BCAS3: variants seen among roughly 807,000 people sequenced by gnomAD.
BCAS3 encodes the protein BCAS4/BCAS3 fusion.
Under a neutral mutation model 116.1 loss-of-function variants are expected in BCAS3, and 53 were observed. The observed-to-expected ratio is 0.46, with a 90% CI of 0.37 to 0.57. BCAS3 has a LOEUF of 0.57. Ranked by LOEUF, BCAS3 falls within the 20% of genes least tolerant of loss-of-function variation. BCAS3 has a pLI of 0.00. For synonymous variants in BCAS3, 391 were observed against 408.2 expected (o/e 0.96, Z 0.51); for missense variants, 917 against 1,165.4 (o/e 0.79, Z 3.10).
intron 4 of BCAS3, among the ~76,000 whole-genome samples, chr17:60,705,264 A>G (rs2036965158): frequency 6.6e-6 from 1 of 152,196 alleles, no homozygotes; most frequent in South Asian, 2.1e-4. Flanking sequence ...CATCCCTGTA[A>G]TCCCAGCACT....
intron 8 of BCAS3, 23 bp downstream of exon 8, chr17:60,868,706 C>G: frequency 6.9e-7 from 1 of 1,450,340 alleles, no homozygotes; most frequent in African/African-American, 1.5e-5. Flanking sequence ...TCATGGGTTT[C>G]TTGTGTAAAA....
intron 14 of BCAS3, among the ~76,000 whole-genome samples, chr17:60,971,282 T>C (rs1019206291): frequency 1.3e-5 from 2 of 152,178 alleles, no homozygotes; most frequent in Non-Finnish European, 2.9e-5. Flanking sequence ...AAAATGAAAC[T>C]TCTAGAGGGT....
chr17:60,814,301 G>GACA, intron 7 of BCAS3, among the ~76,000 whole-genome samples: 1 of 134,046 alleles, frequency 7.5e-6, no homozygotes, highest in Non-Finnish European at 1.5e-5. Context: ...GTGTGTGTGT[G>GACA]TGTGTGCGCG....
intron 4 of BCAS3, among the ~76,000 whole-genome samples, chr17:60,690,917 C>T (rs1023844194): frequency 3.4e-5 from 5 of 148,632 alleles, no homozygotes; most frequent in African/African-American, 1.3e-4. Flanking sequence ...GAGACTTTGT[C>T]TCAAAAAAAC....
intron 9 of BCAS3, among the ~76,000 whole-genome samples, chr17:60,875,162 G>A (rs973958873): frequency 4.6e-5 from 7 of 151,950 alleles, no homozygotes; most frequent in African/African-American, 1.7e-4. Flanking sequence ...TATATTTTTC[G>A]AATAAGGACT....
At chr17:60,682,259 A>G (rs955111173) in intron 2 of BCAS3, among the ~76,000 whole-genome samples, 1 of 152,192 alleles carries the variant, frequency 6.6e-6, no homozygotes, top group African/African-American at 2.4e-5. Context: ...CCAGATAGAA[A>G]GAAAGGTGGT....
intron 15 of BCAS3, among the ~76,000 whole-genome samples, chr17:61,000,153 T>A (rs1274434965): frequency 3.3e-5 from 5 of 150,200 alleles, no homozygotes. Context: ...CAGCTATGAC[T>A]TATAGTAGTA....
rs879164276 is a variant in BCAS3, at chr17:61,199,016, T to C, written c.2425+114452T>C. Among the ~76,000 whole-genome samples the C allele has an allele frequency of 6.6e-6, 1 of 152,230 alleles. No homozygotes were observed. Among genetic ancestry groups the C allele is most frequent in the East Asian group, 1.9e-4 (1 of 5,202 alleles). On this transcript the variant is annotated intron_variant, in intron 22 of 23. Transcript: ENST00000407086. The surrounding 1 kb of genome is among the most constrained non-coding windows in gnomAD (Gnocchi z 4.6). ...TACCATACTCTGATTACTAGAAATA[T>C]ATAAATGAAACCAACATTTCTCTAT...
At position 60,802,159 on chromosome 17, in the gene BCAS3, C is replaced by T. The variant is rs7218805; in HGVS notation, c.404-5845C>T. Among the ~76,000 whole-genome samples the T allele has an allele frequency of 6.8e-3, 1,027 of 151,790 alleles. 16 individuals carry two copies. The highest frequency in any genetic ancestry group is 0.023 in the African/African-American group (965 of 41,352). ...ATTAGCCGGGCATGGTGGCACGTGCCTGTAGTCCCAGCTACTTGGGAGGCT... is the reference window on the plus strand; with the variant it reads ...ATTAGCCGGGCATGGTGGCACGTGCTTGTAGTCCCAGCTACTTGGGAGGCT... On this transcript the variant is annotated intron_variant, in intron 6 of 23. Transcript: ENST00000407086.
chr17:60,747,345 C>T, intron 6 of BCAS3, 66 bp downstream of exon 6: 1 of 1,310,266 alleles, frequency 7.6e-7, no homozygotes, highest in East Asian at 2.3e-5. Context: ...TCTTGGACTA[C>T]AGGCAGCAAG....
intron 5 of BCAS3, among the ~76,000 whole-genome samples, chr17:60,732,639 G>A (rs151226605): frequency 0.032 from 4,828 of 152,212 alleles, 241 homozygotes; most frequent in African/African-American, 0.11. Flanking sequence ...AAGAGATCAA[G>A]ACCATCCTGG....
rs941972811 is a variant in BCAS3, at chr17:61,344,185, T to C, written c.2426-24142T>C. ...CTGATACCCATAAGGAGGCGGAATATGCAAACCCTCTTTGCTTAGGAGAAC... is the reference window on the plus strand; with the variant it reads ...CTGATACCCATAAGGAGGCGGAATACGCAAACCCTCTTTGCTTAGGAGAAC... On this transcript the variant is annotated intron_variant, in intron 22 of 23. Coordinates refer to ENST00000407086, the MANE Select transcript of BCAS3 (RefSeq NM_017679.5). The surrounding 1 kb of genome is among the most constrained non-coding windows in gnomAD (Gnocchi z 4.1). Among the ~76,000 whole-genome samples, 2 of 151,968 alleles carry C rather than the reference T, an allele frequency of 1.3e-5. No individual in the cohort carries two copies. The highest frequency in any genetic ancestry group is 4.8e-5 in the African/African-American group (2 of 41,378).
intron 22 of BCAS3, among the ~76,000 whole-genome samples, chr17:61,163,660 C>T (rs1028161019): frequency 6.6e-6 from 1 of 151,858 alleles, no homozygotes. Context: ...AGTAATATTC[C>T]ATCTACCCAA....
chr17:60,732,346 C>G (rs530987536), intron 5 of BCAS3, among the ~76,000 whole-genome samples: 1 of 151,994 alleles, frequency 6.6e-6, no homozygotes, highest in East Asian at 1.9e-4. Flanking sequence ...ATTTTTAGAT[C>G]GCTGGTAGCA....
Position 60,811,007 on chromosome 17 carries a change from T to C in BCAS3, c.476+2931T>C, listed in dbSNP as rs950227311. ...CAGCAGATTGAAGAGAGCACCACAG[T>C]GGTCACCATGCAGTCTGCCGAGGTT... On this transcript the variant is annotated intron_variant, in intron 7 of 23. Transcript: ENST00000407086. 4 of 664,252 alleles carry C rather than the reference T, an allele frequency of 6.0e-6. No homozygotes were observed. The African/African-American group carries it at 7.1e-5, about 12-fold the overall frequency. 41.1% of individuals were successfully genotyped at this position (664,252 alleles called of 1,614,324 possible).
At chr17:60,927,083 G>T (rs969483959) in intron 13 of BCAS3, among the ~76,000 whole-genome samples, 1 of 152,112 alleles carries the variant, frequency 6.6e-6, no homozygotes, top group Non-Finnish European at 1.5e-5. Context: ...GCTTGGCATG[G>T]TGTCTCAGAG....
At chr17:60,942,590 A>G (rs979543878) in intron 13 of BCAS3, among the ~76,000 whole-genome samples, 41 of 152,342 alleles carry the variant, frequency 2.7e-4, no homozygotes, top group African/African-American at 9.9e-4. Context: ...TAAATTATTT[A>G]TAATAAATGG....
At chr17:60,782,087 C>G (rs2045885360) in intron 6 of BCAS3, among the ~76,000 whole-genome samples, 1 of 152,152 alleles carries the variant, frequency 6.6e-6, no homozygotes, top group Non-Finnish European at 1.5e-5. Context: ...AGCCATTTTA[C>G]CTTGAAGACT....
intron 14 of BCAS3, among the ~76,000 whole-genome samples, chr17:60,975,707 C>G (rs982676897): frequency 6.6e-6 from 1 of 152,188 alleles, no homozygotes; most frequent in Non-Finnish European, 1.5e-5. Flanking sequence ...TCCCCCTCTC[C>G]CTGCTCCTCT....
Sources: gnomAD v4.1 joint callset for allele counts (sites outside exome capture counted in the v4.1 genomes callset) on GRCh38, gnomAD v4.1.1 for gene constraint, Gnocchi (gnomAD v3.1) non-coding constraint, MANE v1.5 for transcripts, NCBI Gene and HGNC (gene_info 2026-07-23, HGNC 2026-07-21) for gene names.